Variants in PAX5 observed in about 807,000 individuals in gnomAD.
The protein encoded by PAX5 is paired box protein Pax-5.
PAX5 carries 9 observed loss-of-function variants against 43.7 expected under a neutral mutation model. The observed-to-expected ratio is 0.21, with a 90% confidence interval of 0.12 to 0.36. The LOEUF is 0.36. Among genes scored for constraint, PAX5 ranks in the 10% least tolerant of loss-of-function variants. PAX5 has a pLI of 1.00. For missense variants in PAX5, 383 were observed against 532.7 expected (o/e 0.72, Z 2.77); for synonymous variants, 228 against 214.3 (o/e 1.06, Z -0.56).
intron 1 of PAX5, among the ~76,000 whole-genome samples, chr9:37,030,348 C>A (rs974944235): frequency 4.6e-5 from 7 of 152,202 alleles, no homozygotes; most frequent in Non-Finnish European, 1.0e-4. Flanking sequence ...GGTCACCAAA[C>A]GACAGCCCAG....
rs539189649 is a variant in PAX5 at position 36,966,545 on chromosome 9, G to A, written c.780+4C>T. 72 of 1,612,314 alleles carry A rather than the reference G, an allele frequency of 4.5e-5. No homozygotes were observed. Among genetic ancestry groups the A allele is most frequent in the African/African-American group, 1.1e-4 (8 of 75,046 alleles). ...GTGTGGTGGGCGTGCATCACGAGGC[G>A]TACCTGCTCGGGCTTGATGGGCTCT... On this transcript the variant is annotated splice_donor_region_variant and intron_variant, in intron 6 of 9. Coordinates refer to ENST00000358127, the MANE Select transcript of PAX5 (RefSeq NM_016734.3).
intron 7 of PAX5, among the ~76,000 whole-genome samples, chr9:36,911,316 G>T (rs1829264544): frequency 6.7e-6 from 1 of 150,252 alleles, no homozygotes; most frequent in South Asian, 2.1e-4. Context: ...CCTTTCCAAT[G>T]CACAAAACAA....
In PAX5 at chr9:36,833,557, CCT is replaced by C. The variant is rs550608428; in HGVS notation, c.*7001_*7002del. ...AAAAAAATTAAACCAAAACCCCACC[CCT>C]GTTTTCTCCCAAGTCCCACCCCTAG... On this transcript the variant is annotated 3_prime_UTR_variant, in exon 10 of 10. Transcript: ENST00000358127. The C allele has an allele frequency of 8.6e-6, 2 of 233,112 alleles. No homozygotes were observed. The highest frequency in any genetic ancestry group is 2.2e-5 in the African/African-American group (1 of 45,448). 14.4% of individuals were successfully genotyped at this position (233,112 alleles called of 1,614,324 possible). A position where few individuals can be genotyped will look rare whatever the true frequency, so the allele number is the denominator to read the frequency against.
At position 36,836,094 on chromosome 9, in the gene PAX5, G is replaced by A. The variant is rs774738630; in HGVS notation, c.*4466C>T. The A allele has an allele frequency of 1.7e-5, 4 of 233,394 alleles. No individual in the cohort carries two copies. The highest frequency in any genetic ancestry group is 1.7e-4 in the Admixed American group (3 of 17,782). The allele number at this position is 233,394 out of a possible 1,614,324, so 14.5% of individuals were successfully genotyped here. A position where few individuals can be genotyped will look rare whatever the true frequency, so the allele number is the denominator to read the frequency against. On this transcript the variant is annotated 3_prime_UTR_variant, in exon 10 of 10. Coordinates refer to ENST00000358127, the MANE Select transcript of PAX5 (RefSeq NM_016734.3). The stretch of plus-strand genomic sequence containing the variant: ...CAAGGCTGGGCAGTCGTTCTGGAGC[G>A]TGACTTCTGGTAAATGGATTTCACC...
intron 2 of PAX5, among the ~76,000 whole-genome samples, chr9:37,017,974 A>G (rs1839533685): frequency 6.6e-6 from 1 of 152,216 alleles, no homozygotes; most frequent in Non-Finnish European, 1.5e-5. Flanking sequence ...GCAGCCACCA[A>G]CACACAATGT....
intron 8 of PAX5, among the ~76,000 whole-genome samples, chr9:36,851,682 A>C (rs1411081776): frequency 6.6e-6 from 1 of 152,230 alleles, no homozygotes; most frequent in African/African-American, 2.4e-5. Context: ...GATTATTGGA[A>C]TCAGAGAAAG....
intron 7 of PAX5, chr9:36,923,113 C>T: frequency 4.4e-6 from 2 of 458,248 alleles, no homozygotes; most frequent in Non-Finnish European, 7.7e-6. Flanking sequence ...ACCCCAAGTC[C>T]CCTCCAGCCC....
At chr9:36,948,394 T>C (rs1230962813) in intron 6 of PAX5, among the ~76,000 whole-genome samples, 1 of 152,154 alleles carries the variant, frequency 6.6e-6, no homozygotes, top group Non-Finnish European at 1.5e-5. Flanking sequence ...TGGGTTTAAA[T>C]ACCTCCTCCC....
chr9:36,975,834 G>A (rs752337576), intron 5 of PAX5, among the ~76,000 whole-genome samples: 1 of 152,198 alleles, frequency 6.6e-6, no homozygotes, highest in African/African-American at 2.4e-5. Flanking sequence ...CTCAATAAAC[G>A]TTAGCTGTTT....
chr9:36,920,900 G>A (rs1379429432), intron 7 of PAX5, among the ~76,000 whole-genome samples: 9 of 134,174 alleles, frequency 6.7e-5, no homozygotes, highest in Admixed American at 1.8e-4. Flanking sequence ...TGCAACCTCC[G>A]CCTTCCAGGT....
chr9:36,966,852 C>T, intron 5 of PAX5, 128 bp from the exon 6 acceptor site: 1 of 776,846 alleles, frequency 1.3e-6, no homozygotes, highest in Non-Finnish European at 2.1e-6. Context: ...AATACACCAG[C>T]AGGGGCTCAG....
chr9:36,845,397 GA>G lies in PAX5; in HGVS notation c.1099+1445del, dbSNP rs573374671. On this transcript the variant is annotated intron_variant, in intron 9 of 9. Coordinates refer to ENST00000358127, the MANE Select transcript of PAX5 (RefSeq NM_016734.3). ...GGGTCAACTCAAATAGTCCATTTAA[GA>G]AAAAAACATTAGGTAAGCGGATATC... 3.3e-3 allele frequency among the ~76,000 whole-genome samples: 509 copies of G among 152,086 alleles called. 1 individual carries two copies. The highest frequency in any genetic ancestry group is 5.6e-3 in the Admixed American group (85 of 15,298).
intron 6 of PAX5, among the ~76,000 whole-genome samples, chr9:36,954,284 G>A (rs12554519): frequency 7.2e-5 from 11 of 151,998 alleles, no homozygotes; most frequent in Admixed American, 5.9e-4. Flanking sequence ...CCAAGAAAAC[G>A]TGTTGATTTT....
At chr9:36,910,024 T>C (rs1219304734) in intron 7 of PAX5, among the ~76,000 whole-genome samples, 1 of 152,072 alleles carries the variant, frequency 6.6e-6, no homozygotes, top group Non-Finnish European at 1.5e-5. Context: ...GGTTTCACCA[T>C]GTTGCTCAGG....
intron 9 of PAX5, among the ~76,000 whole-genome samples, chr9:36,841,883 T>C (rs553168763): frequency 2.6e-5 from 4 of 152,112 alleles, no homozygotes; most frequent in Non-Finnish European, 5.9e-5. Context: ...GAGTGCAAGA[T>C]GGTTCTAGCA....
At chr9:36,967,653 AAT>A (rs1393318183) in intron 5 of PAX5, among the ~76,000 whole-genome samples, 1 of 152,260 alleles carries the variant, frequency 6.6e-6, no homozygotes, top group African/African-American at 2.4e-5. Context: ...GACGATGTGC[AAT>A]ATAAATCTCT....
At chr9:36,899,192 C>A (rs1228145710) in intron 7 of PAX5, among the ~76,000 whole-genome samples, 5 of 152,208 alleles carry the variant, frequency 3.3e-5, no homozygotes, top group African/African-American at 1.2e-4. Flanking sequence ...CAAATGCCAC[C>A]AATATCATCT....
chr9:36,882,114 T>C lies in PAX5; in HGVS notation c.911-9A>G. On this transcript the variant is annotated splice_polypyrimidine_tract_variant and intron_variant, in intron 7 of 9. Coordinates refer to ENST00000358127, the MANE Select transcript of PAX5 (RefSeq NM_016734.3). This position sits in a 1 kb window ranked among gnomAD's most constrained non-coding sequence, Gnocchi z 4.4. ...GCTCGCCAAGTCACGGCCTGAGGAA[T>C]CAAAGCAACAAATCACAGGGTGAGC... The C allele has an allele frequency of 6.3e-7, 1 of 1,575,008 alleles. No individual in the cohort carries two copies. The highest frequency in any genetic ancestry group is 8.7e-7 in the Non-Finnish European group (1 of 1,155,886).
chr9:36,846,630 A>G (rs1822599376), intron 9 of PAX5, among the ~76,000 whole-genome samples: 1 of 151,928 alleles, frequency 6.6e-6, no homozygotes, highest in Non-Finnish European at 1.5e-5. Flanking sequence ...CCACCAAAGC[A>G]TCTGGGGGAG....
Sources: allele counts gnomAD v4.1 joint callset (sites outside exome capture counted in the v4.1 genomes callset), GRCh38; gene constraint gnomAD v4.1.1; non-coding constraint Gnocchi (gnomAD v3.1); transcripts MANE v1.5; gene names NCBI Gene and HGNC (gene_info 2026-07-23, HGNC 2026-07-21).